CADM2: variants seen among roughly 807,000 people sequenced by gnomAD.
The protein encoded by CADM2 is cell adhesion molecule 2.
CADM2 carries 12 observed loss-of-function variants against 49.8 expected under a neutral mutation model. The ratio of observed to expected loss-of-function variants is 0.24; its 90% CI spans 0.15 to 0.39. The LOEUF (loss-of-function observed/expected upper bound fraction) is 0.39. Ranked by LOEUF, CADM2 falls within the 10% of genes least tolerant of loss-of-function variation. The pLI is 1.00. For synonymous variants in CADM2, 214 were observed against 175.4 expected, an observed-to-expected ratio of 1.22 and a Z score of -1.74; for missense variants, 378 against 492.3, an observed-to-expected ratio of 0.77 and a Z score of 2.20.
chr3:85,594,542 G>A (rs550899531), intron 1 of CADM2, among the ~76,000 whole-genome samples: 7 of 151,932 alleles, frequency 4.6e-5, no homozygotes, highest in Non-Finnish European at 8.8e-5. Context: ...TAGAGAGAAA[G>A]CAATAGAACC....
At chr3:85,346,697 T>A (rs1047739899) in intron 1 of CADM2, among the ~76,000 whole-genome samples, 19 of 152,220 alleles carry the variant, frequency 1.2e-4, no homozygotes, top group Non-Finnish European at 2.8e-4. Context: ...CTTAAAAATC[T>A]TCAAAACTTT....
intron 8 of CADM2, among the ~76,000 whole-genome samples, chr3:86,027,520 C>A (rs1734042700): frequency 6.6e-6 from 1 of 152,206 alleles, no homozygotes; most frequent in Middle Eastern, 3.4e-3. Context: ...AGAAACTATG[C>A]TCTCTTTTTG....
chr3:85,023,060 T>C (rs1361271114), intron 1 of CADM2, among the ~76,000 whole-genome samples: 1 of 152,164 alleles, frequency 6.6e-6, no homozygotes, highest in Non-Finnish European at 1.5e-5. Flanking sequence ...GAATAATTTA[T>C]ACTATTATAA....
At chr3:85,028,948 G>A (rs75976830) in intron 1 of CADM2, among the ~76,000 whole-genome samples, 1 of 149,850 alleles carries the variant, frequency 6.7e-6, no homozygotes, top group Non-Finnish European at 1.5e-5. Context: ...CTGTTTTACC[G>A]AAATAAAACA....
intron 1 of CADM2, among the ~76,000 whole-genome samples, chr3:85,414,448 A>C (rs1416476907): frequency 2.6e-5 from 4 of 152,134 alleles, no homozygotes; most frequent in Non-Finnish European, 5.9e-5. Flanking sequence ...TGCACAGTAA[A>C]ATATTTATTA....
chr3:85,483,226 T>C (rs1365410732), intron 1 of CADM2, among the ~76,000 whole-genome samples: 1 of 151,608 alleles, frequency 6.6e-6, no homozygotes, highest in Non-Finnish European at 1.5e-5. Context: ...ATCATCAGAA[T>C]ATTTATTTCC....
chr3:85,815,144 A>G (rs772061266), intron 3 of CADM2, among the ~76,000 whole-genome samples: 7 of 152,184 alleles, frequency 4.6e-5, no homozygotes, highest in Non-Finnish European at 8.8e-5. Flanking sequence ...AGACGGATTC[A>G]CAGCCGAATT....
chr3:85,975,462 G>A (rs1224627757), intron 8 of CADM2, among the ~76,000 whole-genome samples: 2 of 151,280 alleles, frequency 1.3e-5, no homozygotes, highest in Non-Finnish European at 3.0e-5. Context: ...GATTTAAATT[G>A]AGTCTAAATA....
At chr3:85,906,890 C>T (rs1286195545) in intron 5 of CADM2, among the ~76,000 whole-genome samples, 1 of 152,188 alleles carries the variant, frequency 6.6e-6, no homozygotes, top group Non-Finnish European at 1.5e-5. Context: ...AAAGTATTGA[C>T]ATTTCCTCTA....
intron 1 of CADM2, among the ~76,000 whole-genome samples, chr3:85,096,344 G>A (rs1480088525): frequency 6.6e-6 from 1 of 151,796 alleles, no homozygotes; most frequent in South Asian, 2.1e-4. Context: ...TGAGGTAAAT[G>A]GGTTGATATA....
chr3:85,358,112 G>T (rs868391702), intron 1 of CADM2, among the ~76,000 whole-genome samples: 1 of 152,074 alleles, frequency 6.6e-6, no homozygotes, highest in Non-Finnish European at 1.5e-5. Context: ...CCTATGAATT[G>T]TATAATGTTG....
chr3:85,078,041 GACTTA>G (rs1390242913), intron 1 of CADM2, among the ~76,000 whole-genome samples: 2 of 152,086 alleles, frequency 1.3e-5, no homozygotes, highest in African/African-American at 4.8e-5. Flanking sequence ...TTTAAATGCA[GACTTA>G]ACTTCATTAA....
At chr3:85,249,773 C>G (rs988580007) in intron 1 of CADM2, among the ~76,000 whole-genome samples, 15 of 151,776 alleles carry the variant, frequency 9.9e-5, no homozygotes, top group African/African-American at 3.6e-4. Context: ...TTAAAAATCT[C>G]AATTGTTATT....
chr3:85,368,644 C>A lies in CADM2; in HGVS notation c.62-357878C>A, dbSNP rs75831523. On this transcript the variant is annotated intron_variant, in intron 1 of 9. Transcript: ENST00000383699. ...ACCCTTCTTCACATATTTTAAAACACAAATATCTTCTAGAAATGTAAGTTT... is the reference window on the plus strand; with the variant it reads ...ACCCTTCTTCACATATTTTAAAACAAAAATATCTTCTAGAAATGTAAGTTT... 3.1e-3 allele frequency among the ~76,000 whole-genome samples: 465 copies of A among 151,778 alleles called. 8 individuals carry two copies. In the East Asian group the frequency reaches 0.037, roughly 12 times the overall value.
At chr3:86,020,834 A>G (rs1733059841) in intron 8 of CADM2, among the ~76,000 whole-genome samples, 1 of 152,138 alleles carries the variant, frequency 6.6e-6, no homozygotes, top group Non-Finnish European at 1.5e-5. Context: ...GATGGGACGT[A>G]TTTCAAAATA....
chr3:85,493,263 A>G (rs1356391815), intron 1 of CADM2, among the ~76,000 whole-genome samples: 1 of 152,116 alleles, frequency 6.6e-6, no homozygotes, highest in African/African-American at 2.4e-5. Context: ...ACTAAAATTG[A>G]GAGTGCTTCC....
intron 2 of CADM2, among the ~76,000 whole-genome samples, chr3:85,799,779 G>A (rs1366698573): frequency 6.6e-6 from 1 of 152,190 alleles, no homozygotes; most frequent in Non-Finnish European, 1.5e-5. Context: ...AGTGGCACCT[G>A]CCAGATGCCA....
chr3:85,822,616 T>A (rs886196620), intron 3 of CADM2, among the ~76,000 whole-genome samples: 1 of 151,886 alleles, frequency 6.6e-6, no homozygotes, highest in Non-Finnish European at 1.5e-5. Flanking sequence ...AAAATAAAAT[T>A]GTATCCAAAA....
intron 6 of CADM2, among the ~76,000 whole-genome samples, chr3:85,926,197 A>G (rs1400476168): frequency 6.6e-6 from 1 of 151,638 alleles, no homozygotes; most frequent in African/African-American, 2.4e-5. Context: ...ATAATAAAGT[A>G]AATGTAAATA....
Sources: gnomAD v4.1 joint callset for allele counts (sites outside exome capture counted in the v4.1 genomes callset) on GRCh38, gnomAD v4.1.1 for gene constraint, MANE v1.5 for transcripts, NCBI Gene and HGNC (gene_info 2026-07-23, HGNC 2026-07-21) for gene names.